The following HTR3E variants were observed in gnomAD, a reference collection of about 807,000 sequenced individuals.
HTR3E encodes the protein 5-hydroxytryptamine receptor 3E, also known as 5-hydroxytryptamine (serotonin) receptor 3, family member E.
In HTR3E, 38 loss-of-function variants were observed where a neutral mutation model predicts 38.0. The observed-to-expected ratio is 1.00, with a 90% confidence interval of 0.77 to 1.31. HTR3E has a LOEUF of 1.31. Among genes scored for constraint, HTR3E ranks in the 50% most tolerant of loss-of-function variants. The probability of loss-of-function intolerance (pLI) is 0.00; values close to 1 mark genes in which losing one functional copy is unlikely to be tolerated. For synonymous variants in HTR3E, 210 were observed against 232.9 expected (o/e 0.90, Z 0.89); for missense variants, 547 against 585.2 (o/e 0.93, Z 0.67).
In HTR3E at chr3:184,104,851, T is replaced by A. The variant is rs552040877; in HGVS notation, c.454T>A (p.Tyr152Asn). ...TGTAAGTAATGAAGGTCGCATCAGG[T>A]ATAAGAAACCCATGAAGGTGGACAG... is the stretch of plus-strand genomic sequence containing the variant. ...AYVSNEGRIR[Y>N]KKPMKVDSIC... The change falls in exon 5 of 9, where the codon TAT (tyrosine) becomes AAT (asparagine). Residue 152 changes from tyrosine to asparagine, a missense_variant. Tyr to Asn is a moderately radical substitution (Grantham distance 143, BLOSUM62 -2). Coordinates refer to ENST00000415389, the MANE Select transcript of HTR3E (RefSeq NM_001256613.2). The A allele has an allele frequency of 1.1e-5, 18 of 1,613,758 alleles. No homozygotes were observed. The South Asian group carries it at 1.6e-4, about 15-fold the overall frequency.
In HTR3E at chr3:184,101,500, C is replaced by T; in HGVS notation, c.250C>T (p.Leu84Phe). 6.2e-7 allele frequency: 1 copy of T among 1,613,792 alleles called. No individual in the cohort carries two copies. The highest frequency in any genetic ancestry group is 8.5e-7 in the Non-Finnish European group (1 of 1,179,706). Residue 84 changes from leucine (L) to phenylalanine (F), a missense_variant, in exon 3 of 9, where the codon CTC (leucine) becomes TTC (phenylalanine). By Grantham distance (22) the Leu-to-Phe change is conservative. Transcript: ENST00000415389. ...CTTTTGGCAGAATGAACAGCTGCAC[C>T]TCTTGTCATCATTCCTGTGGCTGGA... Reference protein sequence around the residue: ...AILDVNEQLHLLSSFLWLEMV... With the variant: ...AILDVNEQLHFLSSFLWLEMV...
At chr3:184,100,188 C>A in intron 1 of HTR3E, 1 of 1,421,844 alleles carries the variant, frequency 7.0e-7, no homozygotes, top group Non-Finnish European at 9.2e-7. Context: ...AGAACAAGTC[C>A]GGCTTCTGCC....
rs9836515 is a variant in HTR3E at position 184,097,132 on chromosome 3, T to G, written c.-398T>G. 0.054 allele frequency: 8,388 copies of G among 155,694 alleles called. 768 individuals are homozygous for G. The highest frequency in any genetic ancestry group is 0.19 in the African/African-American group (8,031 of 41,534). The allele number at this position is 155,694 out of a possible 1,614,324, so 9.6% of individuals were successfully genotyped here. A position where few individuals can be genotyped will look rare whatever the true frequency, so the allele number is the denominator to read the frequency against. ...TTTGTTACAACAGCAATAAAAGGCA[T>G]GTAAGATAGAAGGAAACCATTCAAC... On this transcript the variant is annotated 5_prime_UTR_variant, in exon 1 of 9. An upstream start codon of the reference 5' UTR is lost. Transcript: ENST00000415389.
In HTR3E at chr3:184,105,906, G is replaced by A; in HGVS notation, c.862G>A (p.Gly288Ser). ...RVPFKITLLL[G>S]YNVFLLMMSD... The stretch of plus-strand genomic sequence containing the variant: ...CCCATTCAAGATAACGCTCCTGCTG[G>A]GCTACAACGTCTTCCTGCTCATGAT... The change falls in exon 7 of 9, where the codon GGC becomes AGC. Residue 288 changes from glycine (G) to serine (S), a missense_variant. Gly to Ser is a moderately conservative substitution (Grantham distance 56). Coordinates refer to ENST00000415389, the MANE Select transcript of HTR3E (RefSeq NM_001256613.2). 1 of 1,614,146 alleles carries A rather than the reference G, an allele frequency of 6.2e-7. No individual in the cohort carries two copies. Among genetic ancestry groups the A allele is most frequent in the Middle Eastern group, 1.6e-4 (1 of 6,062 alleles).
Position 184,106,667 on chromosome 3 carries a change from A to G in HTR3E, c.1345A>G (p.Thr449Ala), listed in dbSNP as rs1379546018. The G allele has an allele frequency of 6.2e-7, 1 of 1,613,930 alleles. No individual in the cohort carries two copies. The highest frequency in any genetic ancestry group is 1.3e-5 in the African/African-American group (1 of 74,962). The change falls in exon 9 of 9, where the codon ACC becomes GCC. Residue 449 changes from threonine (T) to alanine (A), a missense_variant. Thr to Ala is a moderately conservative substitution (Grantham distance 58). Coordinates refer to ENST00000415389, the MANE Select transcript of HTR3E (RefSeq NM_001256613.2). This position sits in a 1 kb window ranked among gnomAD's most constrained non-coding sequence, Gnocchi z 4.1. The stretch of plus-strand genomic sequence containing the variant: ...GCTCTTCATGGCCTCCTCTATCATC[A>G]CCGTCATATGCCTCTGGAACACCTA... ...YLLFMASSII[T>A]VICLWNT
Position 184,100,654 on chromosome 3 carries a change from G to A in HTR3E, c.234+3G>A, listed in dbSNP as rs754335837. The A allele has an allele frequency of 2.2e-5, 36 of 1,613,512 alleles. No individual in the cohort carries two copies. The highest frequency in any genetic ancestry group is 2.9e-5 in the Non-Finnish European group (34 of 1,179,756). ...CGATGTCTGCCATCCTAGATGTGGT[G>A]AGTGCTGACCTCTCTAGCCCTCCTT... is the stretch of plus-strand genomic sequence containing the variant. On this transcript the variant is annotated splice_donor_region_variant and intron_variant, in intron 2 of 8. Transcript: ENST00000415389.
chr3:184,106,932 C>T lies in HTR3E; in HGVS notation c.*239C>T. ...ATATGGTTCTAGGTCCCTCTTACGT[C>T]ATCTGCATAGCAGACTATACCTCTT... is the stretch of plus-strand genomic sequence containing the variant. On this transcript the variant is annotated 3_prime_UTR_variant, in exon 9 of 9. Transcript: ENST00000415389. The surrounding 1 kb of genome is among the most constrained non-coding windows in gnomAD (Gnocchi z 4.1). 1.8e-6 allele frequency: 1 copy of T among 551,732 alleles called. No homozygotes were observed. Among genetic ancestry groups the T allele is most frequent in the Non-Finnish European group, 3.2e-6 (1 of 309,858 alleles). The allele number at this position is 551,732 out of a possible 1,614,324, so 34.2% of individuals were successfully genotyped here.
chr3:184,105,543 G>A, intron 6 of HTR3E, 116 bp downstream of exon 6: 4 of 1,225,468 alleles, frequency 3.3e-6, no homozygotes, highest in Non-Finnish European at 4.5e-6. Flanking sequence ...CCTCTCTCCT[G>A]GCTTCCCAGC....
chr3:184,105,471 AC>A, intron 6 of HTR3E, 44 bp downstream of exon 6: 10 of 1,556,596 alleles, frequency 6.4e-6, no homozygotes, highest in Non-Finnish European at 8.7e-6. Flanking sequence ...CCGCACTTTT[AC>A]CCTTGCCTAG....
At position 184,105,029 on chromosome 3, in the gene HTR3E, T is replaced by C. The variant is rs1261996444; in HGVS notation, c.559+73T>C. On this transcript the variant is annotated intron_variant, in intron 5 of 8. Transcript: ENST00000415389. ...CAAATATAAAGAAACTATGAGTAAA[T>C]GGTGACCAAGGAGTATGGGTGGGGA... 1.4e-5 allele frequency: 20 copies of C among 1,456,288 alleles called. No individual in the cohort carries two copies. In the East Asian group the frequency reaches 4.3e-4, roughly 31 times the overall value. The allele number at this position is 1,456,288 out of a possible 1,614,324, so 90.2% of individuals were successfully genotyped here.
rs573323702 is a variant in HTR3E at position 184,104,735 on chromosome 3, A to G, written c.390-52A>G. 6.4e-4 allele frequency: 893 copies of G among 1,392,260 alleles called. 2 individuals are homozygous for G. The African/African-American group carries it at 0.012, about 19-fold the overall frequency. 86.2% of individuals were successfully genotyped at this position (1,392,260 alleles called of 1,614,324 possible). A position where few individuals can be genotyped will look rare whatever the true frequency, so the allele number is the denominator to read the frequency against. On this transcript the variant is annotated intron_variant, in intron 4 of 8. Coordinates refer to ENST00000415389, the MANE Select transcript of HTR3E (RefSeq NM_001256613.2). The stretch of plus-strand genomic sequence containing the variant: ...CTGTCTCAAAAAAAAAAAAAAAAAA[A>G]AAAGAGAGAGAGAAACTGCAGCACC...
intron 3 of HTR3E, among the ~76,000 whole-genome samples, chr3:184,103,869 G>A (rs1158979333): frequency 6.6e-6 from 1 of 151,344 alleles, no homozygotes; most frequent in East Asian, 1.9e-4. Context: ...AGGAAGGAAG[G>A]AGCTGGAGAA....
intron 4 of HTR3E, among the ~76,000 whole-genome samples, chr3:184,104,586 C>A (rs1166954714): frequency 1.3e-5 from 2 of 150,490 alleles, no homozygotes; most frequent in East Asian, 3.9e-4. Flanking sequence ...GGTGGTGCGC[C>A]TGTAGTCCCA....
chr3:184,099,291 T>C (rs913814210), intron 1 of HTR3E, among the ~76,000 whole-genome samples: 3 of 150,822 alleles, frequency 2.0e-5, no homozygotes, highest in Non-Finnish European at 4.4e-5. Context: ...CACAGTTACT[T>C]GGGAGGCTGA....
chr3:184,099,073 A>T (rs371661435), intron 1 of HTR3E, among the ~76,000 whole-genome samples: 12 of 151,318 alleles, frequency 7.9e-5, no homozygotes, highest in South Asian at 6.3e-4. Context: ...AAAAGAAATT[A>T]AAAAAAAATC....
At position 184,104,295 on chromosome 3, in the gene HTR3E, C is replaced by T. The variant is rs958873047; in HGVS notation, c.389+4C>T. 13 of 1,606,488 alleles carry T rather than the reference C, an allele frequency of 8.1e-6. No homozygotes were observed. The highest frequency in any genetic ancestry group is 5.1e-5 in the Admixed American group (3 of 58,936). On this transcript the variant is annotated splice_donor_region_variant and intron_variant, in intron 4 of 8. Transcript: ENST00000415389. ...CAGACATTTTCATCATTGAACTGTG[C>T]GTATCAAGGGCTGGTCAGAGGGAAG... is the stretch of plus-strand genomic sequence containing the variant.
Position 184,097,302 on chromosome 3 carries a change from G to A in HTR3E, c.-228G>A, listed in dbSNP as rs905544890. On this transcript the variant is annotated 5_prime_UTR_variant, in exon 1 of 9. Coordinates refer to ENST00000415389, the MANE Select transcript of HTR3E (RefSeq NM_001256613.2). ...GTATGAACTATCTATAACCATTTAC[G>A]TTGCAGTGAAATACCTAAGACTAAG... 1.6e-5 allele frequency: 8 copies of A among 499,974 alleles called. No homozygotes were observed. The highest frequency in any genetic ancestry group is 2.2e-5 in the Non-Finnish European group (6 of 278,118). 31.0% of individuals were successfully genotyped at this position (499,974 alleles called of 1,614,324 possible). A position where few individuals can be genotyped will look rare whatever the true frequency, so the allele number is the denominator to read the frequency against.
rs764553846 is a variant in HTR3E at position 184,100,652 on chromosome 3, G to T, written c.234+1G>T. 66 of 1,613,458 alleles carry T rather than the reference G, an allele frequency of 4.1e-5. No individual in the cohort carries two copies. Among genetic ancestry groups the T allele is most frequent in the Non-Finnish European group, 5.6e-5 (66 of 1,179,786 alleles). On this transcript the variant is annotated splice_donor_variant, in intron 2 of 8. Coordinates refer to ENST00000415389, the MANE Select transcript of HTR3E (RefSeq NM_001256613.2). LOFTEE classifies it high-confidence loss of function. ...CGCGATGTCTGCCATCCTAGATGTGGTGAGTGCTGACCTCTCTAGCCCTCC... is the reference window on the plus strand; with the variant it reads ...CGCGATGTCTGCCATCCTAGATGTGTTGAGTGCTGACCTCTCTAGCCCTCC...
chr3:184,100,329 T>C (rs1349978855), intron 1 of HTR3E, 156 bp from the exon 2 acceptor site: 5 of 1,567,606 alleles, frequency 3.2e-6, no homozygotes, highest in Non-Finnish European at 2.6e-6. Flanking sequence ...AATCCATTTT[T>C]AAAGGGCTTA....
Sources: gnomAD v4.1 joint callset for allele counts (sites outside exome capture counted in the v4.1 genomes callset) on GRCh38, gnomAD v4.1.1 for gene constraint, Gnocchi (gnomAD v3.1) non-coding constraint, MANE v1.5 for transcripts, NCBI Gene and HGNC (gene_info 2026-07-23, HGNC 2026-07-21) for gene names.